Variants in PRKAG3 observed in about 807,000 individuals in gnomAD.
PRKAG3 encodes the protein 5'-AMP-activated protein kinase subunit gamma-3.
In PRKAG3, 39 loss-of-function variants were observed where a neutral mutation model predicts 56.5. That is an observed-to-expected ratio of 0.69 (90% confidence interval 0.53 to 0.90). The LOEUF (loss-of-function observed/expected upper bound fraction) is 0.90. Among genes scored for constraint, PRKAG3 ranks in the 40% least tolerant of loss-of-function variants. The probability of loss-of-function intolerance (pLI) is 0.00; values close to 1 mark genes in which losing one functional copy is unlikely to be tolerated. For synonymous variants in PRKAG3, 243 were observed against 250.1 expected (o/e 0.97, Z 0.27); for missense variants, 628 against 627.5 (o/e 1.00, Z -0.01).
intron 3 of PRKAG3, 68 bp downstream of exon 3, chr2:218,830,678 G>A: frequency 2.6e-6 from 4 of 1,559,604 alleles, no homozygotes; most frequent in Non-Finnish European, 3.5e-6. Context: ...GTAGAGACCA[G>A]ACCCAGGCTC....
rs864622004 is a variant in PRKAG3, at chr2:218,830,273, C to A, written c.338G>T (p.Gly113Val). 24 of 1,613,674 alleles carry A rather than the reference C, an allele frequency of 1.5e-5. No homozygotes were observed. The highest frequency in any genetic ancestry group is 1.9e-5 in the Non-Finnish European group (23 of 1,179,910). The change falls in exon 4 of 13, where the codon GGG becomes GTG. Residue 113 changes from glycine (G) to valine (V), a missense_variant. Coordinates refer to ENST00000529249, the Ensembl canonical transcript of PRKAG3. ...ACAGTCAGAGGGGAGGCAGTCCCAC[C>A]CTGTTGGTGGAGTGCCCACCCCGGC...
downstream of PRKAG3, chr2:218,823,279 A>G (rs1262338447): frequency 4.4e-6 from 1 of 224,810 alleles, no homozygotes; most frequent in Non-Finnish European, 8.8e-6. Context: ...CCTTCCTTTA[A>G]GCTTTAGTTC....
At chr2:218,828,674 A>C in intron 4 of PRKAG3, 74 bp from the exon 5 acceptor site, 1 of 1,307,316 alleles carries the variant, frequency 7.6e-7, no homozygotes. Flanking sequence ...CTCAGTGCGC[A>C]CCTCCCATCT....
rs968223546 is a variant in PRKAG3 at position 218,826,815 on chromosome 2, A to C, written c.1168+113T>G. 3.5e-6 allele frequency: 5 copies of C among 1,426,630 alleles called. No homozygotes were observed. In the Admixed American group the frequency reaches 8.7e-5, roughly 25 times the overall value. The allele number at this position is 1,426,630 out of a possible 1,614,324, so 88.4% of individuals were successfully genotyped here. On this transcript the variant is annotated intron_variant, in intron 10 of 12. Transcript: ENST00000529249. ...GACGGAGACTTCTAATCCCCAGTCC[A>C]TCCTGTACCCCCCACAGGGATGGCA... is the stretch of plus-strand genomic sequence containing the variant.
At chr2:218,826,520 GT>G in intron 10 of PRKAG3, 1 of 282,710 alleles carries the variant, frequency 3.5e-6, no homozygotes, top group Non-Finnish European at 7.0e-6. Flanking sequence ...GTCACTGTAT[GT>G]AAACTCAAAC....
At chr2:218,823,382 A>G in exon 13 of PRKAG3, 1 of 284,908 alleles carries the variant, frequency 3.5e-6, no homozygotes, top group Non-Finnish European at 6.9e-6. Context: ...ATTGTGAGGG[A>G]ACAAGTAAAT....
Position 218,827,375 on chromosome 2 carries a change from T to C in PRKAG3, c.876-2A>G, listed in dbSNP as rs1265531737. The C allele has an allele frequency of 6.2e-6, 10 of 1,613,966 alleles. No individual in the cohort carries two copies. In the Admixed American group the frequency reaches 1.5e-4, roughly 24 times the overall value. On this transcript the variant is annotated splice_acceptor_variant, in intron 8 of 12. Coordinates refer to ENST00000529249, the Ensembl canonical transcript of PRKAG3. LOFTEE classifies it high-confidence loss of function. This position sits in a 1 kb window ranked among gnomAD's most constrained non-coding sequence, Gnocchi z 5.3. ...AGGGTGTAGACAGCTTCAAACAGGC[T>C]GCAGAGATGGGAGCAGTGAGCCTCG...
chr2:218,823,985 G>C (rs1943891049), intron 12 of PRKAG3, 107 bp from the exon 13 acceptor site: 6 of 1,277,646 alleles, frequency 4.7e-6, no homozygotes, highest in Non-Finnish European at 6.8e-6. Context: ...CTGAGGGAGA[G>C]AGCGTCTCCT....
At chr2:218,828,917 C>T (rs1016599039) in intron 4 of PRKAG3, among the ~76,000 whole-genome samples, 1 of 152,202 alleles carries the variant, frequency 6.6e-6, no homozygotes. Context: ...TATGTGTGTA[C>T]AGACACAGTC....
chr2:218,831,482 C>G, intron 1 of PRKAG3, 107 bp from the exon 2 acceptor site: 1 of 1,098,522 alleles, frequency 9.1e-7, no homozygotes, highest in East Asian at 2.6e-5. Flanking sequence ...TACACACGCT[C>G]AGACACACGC....
exon 4 of PRKAG3, chr2:218,830,381 C>T (rs754678885): frequency 1.2e-5 from 20 of 1,606,284 alleles, no homozygotes; most frequent in Non-Finnish European, 1.6e-5. Flanking sequence ...GGACCGGGGA[C>T]CTGTTTGGGG....
exon 3 of PRKAG3, chr2:218,830,875 T>C (rs763807567): frequency 6.2e-7 from 1 of 1,613,874 alleles, no homozygotes. Flanking sequence ...CATGAGCTGC[T>C]GTTTTCTTGC....
rs1943945396 is a variant in PRKAG3 at position 218,827,158 on chromosome 2, TC to T, written c.1003-66del. Reference sequence around the variant, plus strand: ...CAGCTTCAAGAGGGCTCCCAGCTCTTCCCCACGACTGCTAGGGCTGAAGACT... The same window carrying T: ...CAGCTTCAAGAGGGCTCCCAGCTCTTCCCACGACTGCTAGGGCTGAAGACT... On this transcript the variant is annotated intron_variant, in intron 9 of 12. Transcript: ENST00000529249. The surrounding 1 kb of genome is among the most constrained non-coding windows in gnomAD (Gnocchi z 5.3). 1 of 1,612,616 alleles carries T rather than the reference TC, an allele frequency of 6.2e-7. No homozygotes were observed. Among genetic ancestry groups the T allele is most frequent in the Non-Finnish European group, 8.5e-7 (1 of 1,179,686 alleles).
chr2:218,824,553 G>T, exon 11 of PRKAG3: 2 of 1,613,132 alleles, frequency 1.2e-6, no homozygotes, highest in Non-Finnish European at 8.5e-7. Flanking sequence ...ACATCAAAGC[G>T]GGAATAGAGG....
chr2:218,827,272 CGT>C lies in PRKAG3; in HGVS notation c.975_976del (p.Arg326ProfsTer74). The C allele has an allele frequency of 6.2e-7, 1 of 1,614,144 alleles. No homozygotes were observed. The highest frequency in any genetic ancestry group is 8.5e-7 in the Non-Finnish European group (1 of 1,180,026). The stretch of plus-strand genomic sequence containing the variant: ...AAAGATGTGCAGGAACTTGAGCAGG[CGT>C]TTGTGTGTGAGGATGTGGAGTACGT... On this transcript the variant is annotated frameshift_variant, in exon 9 of 13. Coordinates refer to ENST00000529249, the Ensembl canonical transcript of PRKAG3. LOFTEE classifies it high-confidence loss of function. This position sits in a 1 kb window ranked among gnomAD's most constrained non-coding sequence, Gnocchi z 5.3.
At chr2:218,831,765 C>A in exon 1 of PRKAG3, 1 of 1,610,346 alleles carries the variant, frequency 6.2e-7, no homozygotes, top group Non-Finnish European at 8.5e-7. Flanking sequence ...CCAGCCCGGG[C>A]TCCATGTGGC....
Position 218,827,957 on chromosome 2 carries a change from G to T in PRKAG3, c.774+47C>A. On this transcript the variant is annotated intron_variant, in intron 6 of 12. Coordinates refer to ENST00000529249, the Ensembl canonical transcript of PRKAG3. This position sits in a 1 kb window ranked among gnomAD's most constrained non-coding sequence, Gnocchi z 5.3. ...CCAGGCTCCAGGAGGACTCCCCTCCGCCCCCGCCCCTCTGGGTGCCCATAA... is the reference window on the plus strand; with the variant it reads ...CCAGGCTCCAGGAGGACTCCCCTCCTCCCCCGCCCCTCTGGGTGCCCATAA... The T allele has an allele frequency of 1.3e-6, 2 of 1,596,564 alleles. No individual in the cohort carries two copies. Among genetic ancestry groups the T allele is most frequent in the Non-Finnish European group, 8.5e-7 (1 of 1,169,868 alleles).
exon 6 of PRKAG3, chr2:218,828,007 G>C (rs866429141): frequency 1.3e-6 from 2 of 1,573,996 alleles, no homozygotes; most frequent in Non-Finnish European, 1.7e-6. Context: ...TCCTCACCAG[G>C]GGGGACCTGT....
intron 1 of PRKAG3, 76 bp from the exon 2 acceptor site, chr2:218,831,451 C>T: frequency 1.5e-6 from 2 of 1,348,140 alleles, no homozygotes; most frequent in Non-Finnish European, 1.0e-6. Flanking sequence ...GAACACACGC[C>T]TACACACCCA....
Sources: gnomAD v4.1 joint callset for allele counts (sites outside exome capture counted in the v4.1 genomes callset) on GRCh38, gnomAD v4.1.1 for gene constraint, Gnocchi (gnomAD v3.1) non-coding constraint, MANE v1.5 for transcripts, NCBI Gene and HGNC (gene_info 2026-07-23, HGNC 2026-07-21) for gene names.